CACNA1I: variants seen among roughly 807,000 people sequenced by gnomAD.
CACNA1I encodes the protein voltage-dependent T-type calcium channel subunit alpha-1I.
Under a neutral mutation model 201.6 loss-of-function variants are expected in CACNA1I, and 74 were observed. The observed-to-expected ratio is 0.37, with a 90% CI of 0.30 to 0.45. The LOEUF is 0.45. Ranked by LOEUF, CACNA1I falls within the 20% of genes least tolerant of loss-of-function variation. CACNA1I has a pLI of 1.00. For synonymous variants in CACNA1I, 1,431 were observed against 1,345.2 expected (o/e 1.06, Z -1.40); for missense variants, 2,346 against 3,138.1 (o/e 0.75, Z 6.03).
In CACNA1I at chr22:39,648,311, G is replaced by A. The variant is rs990505739; in HGVS notation, c.1567+385G>A. On this transcript the variant is annotated intron_variant, in intron 9 of 36. Coordinates refer to ENST00000402142, the MANE Select transcript of CACNA1I (RefSeq NM_021096.4). The surrounding 1 kb of genome is among the most constrained non-coding windows in gnomAD (Gnocchi z 5.4). ...GCCCGGCATGCGGACACAGGAGCTG[G>A]GGCCGGGCAAGGCTGGCACTGGTGT... Among the ~76,000 whole-genome samples, 4 of 152,188 alleles carry A rather than the reference G, an allele frequency of 2.6e-5. No individual in the cohort carries two copies. The highest frequency in any genetic ancestry group is 7.2e-5 in the African/African-American group (3 of 41,452).
chr22:39,610,754 G>T (rs897015358), intron 3 of CACNA1I, among the ~76,000 whole-genome samples: 1 of 152,286 alleles, frequency 6.6e-6, no homozygotes, highest in Admixed American at 6.5e-5. Flanking sequence ...AGCTCTGCTA[G>T]TCTGTGCTGA....
Position 39,570,891 on chromosome 22 carries a change from C to G in CACNA1I, c.139C>G (p.Pro47Ala). ...GLEEPLDGADPHVPHPDLAPI... is the reference protein window; with the variant it reads ...GLEEPLDGADAHVPHPDLAPI... Reference sequence around the variant, plus strand: ...GGAGGAGCCTCTGGATGGAGCTGATCCTCATGTCCCACACCCAGACCTGGC... The same window carrying G: ...GGAGGAGCCTCTGGATGGAGCTGATGCTCATGTCCCACACCCAGACCTGGC... The change falls in exon 1 of 37, where the codon CCT becomes GCT. Residue 47 changes from proline to alanine, a missense_variant. Pro to Ala is a conservative substitution (Grantham distance 27). Around this residue, in one of 13 missense-constraint regions of CACNA1I, gnomAD observed 130 missense variants for 160.7 expected, o/e 0.81. Transcript: ENST00000402142. The G allele has an allele frequency of 6.2e-7, 1 of 1,613,880 alleles. No individual in the cohort carries two copies. The highest frequency in any genetic ancestry group is 1.1e-5 in the South Asian group (1 of 91,076).
chr22:39,668,490 G>T, intron 24 of CACNA1I, 109 bp downstream of exon 24: 1 of 696,308 alleles, frequency 1.4e-6, no homozygotes, highest in Non-Finnish European at 2.6e-6. Context: ...CACAGCCCCA[G>T]TGTCTCCCCA....
Position 39,647,846 on chromosome 22 carries a change from A to G in CACNA1I, c.1487A>G (p.Asp496Gly), listed in dbSNP as rs1430565048. 1 of 1,611,672 alleles carries G rather than the reference A, an allele frequency of 6.2e-7. No individual in the cohort carries two copies. The highest frequency in any genetic ancestry group is 8.5e-7 in the Non-Finnish European group (1 of 1,178,070). ...HYHGKTKGQG[D>G]EGRHLGSRHC... ...GATGGGAAGACTAAGGGTCAGGGAGATGAAGGGAGACATCTCGGAAGCCGG... is the reference window on the plus strand; with the variant it reads ...GATGGGAAGACTAAGGGTCAGGGAGGTGAAGGGAGACATCTCGGAAGCCGG... Residue 496 changes from aspartate (D) to glycine (G), a missense_variant, in exon 9 of 37, where the codon GAT becomes GGT. Asp to Gly is a moderately conservative substitution (Grantham distance 94, BLOSUM62 -1). Transcript: ENST00000402142.
chr22:39,658,047 A>C, intron 10 of CACNA1I, 105 bp from the exon 11 acceptor site: 12 of 1,203,220 alleles, frequency 1.0e-5, no homozygotes, highest in Non-Finnish European at 1.3e-5. Context: ...TATGGTGAGG[A>C]CACCGACCTG....
Position 39,670,840 on chromosome 22 carries a change from C to T in CACNA1I, c.4425C>T (p.His1475=), listed in dbSNP as rs780929790. 2 of 1,613,944 alleles carry T rather than the reference C, an allele frequency of 1.2e-6. No homozygotes were observed. The stretch of plus-strand genomic sequence containing the variant: ...TGCCCTACTATGCCACCTATTGTCA[C>T]ACCCGGCTGCTCATCCACTCCATGT... The part of the protein sequence containing the change: ...QRLPYYATYC[H]TRLLIHSMCT... Residue 1475 remains histidine (H), a synonymous_variant, in exon 26 of 37, where the codon CAC becomes CAT. Coordinates refer to ENST00000402142, the MANE Select transcript of CACNA1I (RefSeq NM_021096.4).
In CACNA1I at chr22:39,666,570, C is replaced by T. The variant is rs1278581131; in HGVS notation, c.4104+564C>T. Among the ~76,000 whole-genome samples the T allele has an allele frequency of 6.6e-6, 1 of 152,164 alleles. No individual in the cohort carries two copies. The highest frequency in any genetic ancestry group is 1.5e-5 in the Non-Finnish European group (1 of 68,016). ...TCCTGAGGGCCTGCCAGGTGTGACC[C>T]ATCTGGGCAGTGCCCCAGGTGAGGG... On this transcript the variant is annotated intron_variant, in intron 23 of 36. Coordinates refer to ENST00000402142, the MANE Select transcript of CACNA1I (RefSeq NM_021096.4). The surrounding 1 kb of genome is among the most constrained non-coding windows in gnomAD (Gnocchi z 4.1).
rs771673948 is a variant in CACNA1I, at chr22:39,679,390, G to A, written c.5339G>A (p.Gly1780Asp). 2.3e-5 allele frequency: 34 copies of A among 1,488,770 alleles called. No homozygotes were observed. Among genetic ancestry groups the A allele is most frequent in the Non-Finnish European group, 2.8e-5 (32 of 1,128,144 alleles). 92.2% of individuals were successfully genotyped at this position (1,488,770 alleles called of 1,614,324 possible). A position where few individuals can be genotyped will look rare whatever the true frequency, so the allele number is the denominator to read the frequency against. ...CCTGGCCGAGGGCCGGGAGGGGCGG[G>A]CGGCGGGGGCGACACCGAGGGCGGC... ...GAPGRGPGGA[G>D]GGGDTEGGLC... The change falls in exon 32 of 37, where the codon GGC becomes GAC. Residue 1780 changes from glycine to aspartate, a missense_variant. Gly to Asp is a moderately conservative substitution (Grantham distance 94, BLOSUM62 -1). Transcript: ENST00000402142.
intron 1 of CACNA1I, among the ~76,000 whole-genome samples, chr22:39,592,304 G>A (rs1418678896): frequency 2.0e-5 from 3 of 152,220 alleles, no homozygotes; most frequent in Non-Finnish European, 2.9e-5. Context: ...TGGCTGTGCC[G>A]AGTGTGTGGG....
chr22:39,606,229 G>A (rs73885281), intron 3 of CACNA1I, among the ~76,000 whole-genome samples: 4,195 of 152,252 alleles, frequency 0.028, 163 homozygotes, highest in African/African-American at 0.094. Flanking sequence ...GATTGCGGTG[G>A]CCTGGGGAGT....
In CACNA1I at chr22:39,659,061, A is replaced by G. The variant is rs1186350917; in HGVS notation, c.2275A>G (p.Met759Val). ...RRQLVVLMKT[M>V]DNVATFCMLL... ...CCAGCTCGTGGTGCTCATGAAGACC[A>G]TGGACAACGTGGCCACCTTCTGCAT... Residue 759 changes from methionine to valine, a missense_variant, in exon 12 of 37, where the codon ATG becomes GTG. Around this residue, in one of 13 missense-constraint regions of CACNA1I, gnomAD observed 155 missense variants for 300.8 expected, o/e 0.52. Transcript: ENST00000402142. This position sits in a 1 kb window ranked among gnomAD's most constrained non-coding sequence, Gnocchi z 4.3. The G allele has an allele frequency of 6.2e-7, 1 of 1,613,508 alleles. No homozygotes were observed. The highest frequency in any genetic ancestry group is 8.5e-7 in the Non-Finnish European group (1 of 1,179,798).
At position 39,629,303 on chromosome 22, in the gene CACNA1I, G is replaced by A. The variant is rs1021983969; in HGVS notation, c.581-5262G>A. On this transcript the variant is annotated intron_variant, in intron 4 of 36. Transcript: ENST00000402142. This position sits in a 1 kb window ranked among gnomAD's most constrained non-coding sequence, Gnocchi z 4.8. Reference sequence around the variant, plus strand: ...TGGGGATGTACCCCGGCCATCCCAAGCTCCACATCTCCAGATGGAGCCCCA... The same window carrying A: ...TGGGGATGTACCCCGGCCATCCCAAACTCCACATCTCCAGATGGAGCCCCA... Among the ~76,000 whole-genome samples, 11 of 152,126 alleles carry A rather than the reference G, an allele frequency of 7.2e-5. No individual in the cohort carries two copies. Among genetic ancestry groups the A allele is most frequent in the Admixed American group, 6.5e-4 (10 of 15,274 alleles).
intron 33 of CACNA1I, 125 bp downstream of exon 33, chr22:39,679,993 C>A (rs770173124): frequency 1.0e-6 from 1 of 955,640 alleles, no homozygotes; most frequent in East Asian, 2.7e-5. Context: ...CGTGGGCACA[C>A]GTAGCTTCCA....
Position 39,667,900 on chromosome 22 carries a change from A to C in CACNA1I, c.4105-392A>C, listed in dbSNP as rs1237834197. 2.6e-5 allele frequency among the ~76,000 whole-genome samples: 4 copies of C among 152,152 alleles called. No homozygotes were observed. The East Asian group carries it at 7.7e-4, about 29-fold the overall frequency. On this transcript the variant is annotated intron_variant, in intron 23 of 36. Coordinates refer to ENST00000402142, the MANE Select transcript of CACNA1I (RefSeq NM_021096.4). ...TCTTACCCACTGGAGTAAGGATGGC[A>C]GGGACCGTCTGGTTGAGCCTCAGCT...
At chr22:39,682,423 C>A (rs747759131) in intron 34 of CACNA1I, 73 bp from the exon 35 acceptor site, 11 of 1,288,358 alleles carry the variant, frequency 8.5e-6, no homozygotes, top group Non-Finnish European at 6.6e-6. Context: ...GGCCGTGGAG[C>A]AGGTCATGAG....
At chr22:39,583,375 TCCA>T in intron 1 of CACNA1I, among the ~76,000 whole-genome samples, 1 of 147,508 alleles carries the variant, frequency 6.8e-6, no homozygotes, top group Non-Finnish European at 1.5e-5. Context: ...TATCCATCCA[TCCA>T]TCCATCCATC....
chr22:39,640,274 A>G (rs376374292), intron 5 of CACNA1I, among the ~76,000 whole-genome samples: 4 of 152,330 alleles, frequency 2.6e-5, no homozygotes, highest in African/African-American at 9.6e-5. Context: ...CTATAGTCCT[A>G]TCTACTCAGG....
chr22:39,637,369 G>A (rs1267195372), intron 5 of CACNA1I, among the ~76,000 whole-genome samples: 1 of 152,150 alleles, frequency 6.6e-6, no homozygotes, highest in Non-Finnish European at 1.5e-5. Flanking sequence ...CAAGAAAAAT[G>A]TCTCCAGGCA....
At chr22:39,682,935 A>C (rs1417062457) in intron 35 of CACNA1I, among the ~76,000 whole-genome samples, 3 of 152,160 alleles carry the variant, frequency 2.0e-5, no homozygotes, top group Non-Finnish European at 4.4e-5. Context: ...CCTAGGAGCC[A>C]TGGTGAAAAG....
Sources: gnomAD v4.1 joint callset for allele counts (sites outside exome capture counted in the v4.1 genomes callset) on GRCh38, gnomAD v4.1.1 for gene constraint, gnomAD v4.1.1 regional missense constraint, Gnocchi (gnomAD v3.1) non-coding constraint, MANE v1.5 for transcripts, NCBI Gene and HGNC (gene_info 2026-07-23, HGNC 2026-07-21) for gene names.